Variants in CD276 observed in about 807,000 individuals in gnomAD.
The protein encoded by CD276 is CD276 molecule.
A neutral mutation model predicts 50.0 loss-of-function variants in CD276; 34 were observed. The ratio of observed to expected loss-of-function variants is 0.68; its 90% CI spans 0.52 to 0.91. CD276 has a LOEUF of 0.91. CD276 is among the 40% of genes least tolerant of loss of function. CD276 has a pLI of 0.00. For synonymous variants in CD276, 275 were observed against 313.0 expected (o/e 0.88, Z 1.28); for missense variants, 634 against 717.5 (o/e 0.88, Z 1.33).
At chr15:73,705,372 A>T (rs1253818580) in intron 6 of CD276, among the ~76,000 whole-genome samples, 1 of 151,690 alleles carries the variant, frequency 6.6e-6, no homozygotes, top group African/African-American at 2.4e-5. Flanking sequence ...GCACCTCAGG[A>T]CTCACTTATT....
Position 73,702,528 on chromosome 15 carries a change from G to T in CD276, c.353G>T (p.Gly118Val). 3 of 1,612,634 alleles carry T rather than the reference G, an allele frequency of 1.9e-6. No individual in the cohort carries two copies. Among genetic ancestry groups the T allele is most frequent in the Non-Finnish European group, 2.5e-6 (3 of 1,179,930 alleles). Residue 118 changes from glycine (G) to valine (V), a missense_variant, in exon 3 of 10, where the codon GGC becomes GTC. Transcript: ENST00000318443. ...RLQRVRVADEGSFTCFVSIRD... is the reference protein window; with the variant it reads ...RLQRVRVADEVSFTCFVSIRD... Reference sequence around the variant, plus strand: ...CAGCGCGTGCGTGTGGCGGACGAGGGCAGCTTCACCTGCTTCGTGAGCATC... The same window carrying T: ...CAGCGCGTGCGTGTGGCGGACGAGGTCAGCTTCACCTGCTTCGTGAGCATC...
chr15:73,709,437 G>A (rs1448707436), intron 7 of CD276: 5 of 551,952 alleles, frequency 9.1e-6, no homozygotes, highest in Non-Finnish European at 1.6e-5. Context: ...GGTGAGTGGT[G>A]GGCTCCAGGC....
intron 6 of CD276, among the ~76,000 whole-genome samples, chr15:73,706,052 C>T (rs1475445960): frequency 6.6e-6 from 1 of 152,134 alleles, no homozygotes; most frequent in Non-Finnish European, 1.5e-5. Flanking sequence ...GAGTTCGAGA[C>T]CAGCCTGATC....
In CD276 at chr15:73,713,918, T is replaced by A; in HGVS notation, c.*962T>A. The A allele has an allele frequency of 2.6e-6, 1 of 383,278 alleles. No homozygotes were observed. The allele number at this position is 383,278 out of a possible 1,614,324, so 23.7% of individuals were successfully genotyped here. ...GCCCTGCGTGGGAAGATAAAGTTCC[T>A]CCCTCAAGGACTCCCCATCCAGCTG... On this transcript the variant is annotated 3_prime_UTR_variant, in exon 10 of 10. Coordinates refer to ENST00000318443, the MANE Select transcript of CD276 (RefSeq NM_001024736.2).
upstream of CD276, chr15:73,684,071 A>C (rs1595997794): frequency 6.6e-6 from 1 of 152,182 alleles, no homozygotes. Flanking sequence ...CCAGTCAGTC[A>C]CCTATCCCCT....
In CD276 at chr15:73,702,313, C is replaced by T; in HGVS notation, c.138C>T (p.Ala46=). 1.2e-6 allele frequency: 2 copies of T among 1,613,350 alleles called. No homozygotes were observed. The highest frequency in any genetic ancestry group is 1.7e-6 in the Non-Finnish European group (2 of 1,179,958). ...TGGTGGCACTGGTGGGCACCGATGC[C>T]ACCCTGTGCTGCTCCTTCTCCCCTG... ...DPVVALVGTD[A]TLCCSFSPEP... The change falls in exon 3 of 10, where the codon GCC becomes GCT. Residue 46 remains alanine, a synonymous_variant. Transcript: ENST00000318443.
chr15:73,712,844 G>A (rs1271436874), intron 9 of CD276, 90 bp from the exon 10 acceptor site: 3 of 1,349,078 alleles, frequency 2.2e-6, no homozygotes, highest in African/African-American at 1.4e-5. Flanking sequence ...CTGACCAGGT[G>A]CTTGGGCTTC....
At chr15:73,711,307 T>G in intron 9 of CD276, 137 bp downstream of exon 9, 1 of 873,198 alleles carries the variant, frequency 1.1e-6, no homozygotes, top group Non-Finnish European at 1.8e-6. Context: ...AACTTCCCCC[T>G]GGTGAGATGG....
intron 8 of CD276, among the ~76,000 whole-genome samples, chr15:73,710,502 G>A (rs946217133): frequency 1.3e-5 from 2 of 152,218 alleles, no homozygotes; most frequent in African/African-American, 4.8e-5. Context: ...GGCTGGGAGA[G>A]GCAGGTTTCC....
chr15:73,700,853 A>G (rs1297336166), intron 2 of CD276, among the ~76,000 whole-genome samples: 1 of 38,948 alleles, frequency 2.6e-5, no homozygotes, highest in African/African-American at 1.0e-4. Context: ...TTACCGGAGA[A>G]TGGTAGTGCC....
chr15:73,713,986 G>C lies in CD276; in HGVS notation c.*1030G>C, dbSNP rs548993494. ...TACACTGCACCCTGCGGTTTGCAGG[G>C]GGCTCCTGCCTGGCTCCCTGCTCCA... On this transcript the variant is annotated 3_prime_UTR_variant, in exon 10 of 10. Transcript: ENST00000318443. The C allele has an allele frequency of 2.0e-4, 64 of 313,022 alleles. No individual in the cohort carries two copies. Among genetic ancestry groups the C allele is most frequent in the African/African-American group, 1.5e-3 (63 of 42,690 alleles). 19.4% of individuals were successfully genotyped at this position (313,022 alleles called of 1,614,324 possible).
chr15:73,695,201 C>A (rs1253886943), intron 1 of CD276, among the ~76,000 whole-genome samples: 1 of 152,162 alleles, frequency 6.6e-6, no homozygotes, highest in Non-Finnish European at 1.5e-5. Context: ...TAGGTAGGAA[C>A]ACTGAGCTCA....
chr15:73,690,690 T>C, intron 1 of CD276: 1 of 456,006 alleles, frequency 2.2e-6, no homozygotes, highest in Non-Finnish European at 4.4e-6. Flanking sequence ...CTTAATACTG[T>C]TACAGTGGCA....
At chr15:73,692,928 G>A (rs1314101619) in intron 1 of CD276, among the ~76,000 whole-genome samples, 2 of 152,226 alleles carry the variant, frequency 1.3e-5, no homozygotes, top group Non-Finnish European at 2.9e-5. Flanking sequence ...GAGCCCACTA[G>A]TAGGCACTTG....
intron 1 of CD276, chr15:73,686,354 C>A: frequency 3.2e-6 from 3 of 952,298 alleles, no homozygotes; most frequent in Non-Finnish European, 3.8e-6. Flanking sequence ...GTGTTGGAAT[C>A]TGAGGACCCT....
At chr15:73,705,032 A>C (rs1212779775) in intron 6 of CD276, among the ~76,000 whole-genome samples, 1 of 152,086 alleles carries the variant, frequency 6.6e-6, no homozygotes, top group African/African-American at 2.4e-5. Context: ...CCCTTTAGTG[A>C]TTGTTAGTCT....
At position 73,713,070 on chromosome 15, in the gene CD276, T is replaced by A. The variant is rs1391293505; in HGVS notation, c.*114T>A. 1 of 943,872 alleles carries A rather than the reference T, an allele frequency of 1.1e-6. No individual in the cohort carries two copies. The highest frequency in any genetic ancestry group is 1.7e-5 in the African/African-American group (1 of 60,184). The allele number at this position is 943,872 out of a possible 1,614,324, so 58.5% of individuals were successfully genotyped here. A position where few individuals can be genotyped will look rare whatever the true frequency, so the allele number is the denominator to read the frequency against. On this transcript the variant is annotated 3_prime_UTR_variant, in exon 10 of 10. Coordinates refer to ENST00000318443, the MANE Select transcript of CD276 (RefSeq NM_001024736.2). The stretch of plus-strand genomic sequence containing the variant: ...ATGCATCCTGCTCTGACAGGTGGGC[T>A]CCTTCTCCAAAGGATGCGATACACA...
In CD276 at chr15:73,702,791, C is replaced by T; in HGVS notation, c.438C>T (p.Ser146=). Residue 146 remains serine (S), a synonymous_variant, in exon 4 of 10, where the codon AGC becomes AGT. Coordinates refer to ENST00000318443, the MANE Select transcript of CD276 (RefSeq NM_001024736.2). ...CTCCAGCTCCCTACTCGAAGCCCAG[C>T]ATGACCCTGGAGCCCAACAAGGACC... The part of the protein sequence containing the change: ...LQVAAPYSKP[S]MTLEPNKDLR... The T allele has an allele frequency of 6.2e-7, 1 of 1,612,972 alleles. No homozygotes were observed. The highest frequency in any genetic ancestry group is 8.5e-7 in the Non-Finnish European group (1 of 1,179,518).
In CD276 at chr15:73,687,129, G is replaced by T. The variant is rs1231166712; in HGVS notation, c.-55+2669G>T. Reference sequence around the variant, plus strand: ...GAATGGACCCCACACCTGGAAGGGGGCCACGTGTACAGTTATGCAACCCTT... The same window carrying T: ...GAATGGACCCCACACCTGGAAGGGGTCCACGTGTACAGTTATGCAACCCTT... On this transcript the variant is annotated intron_variant, in intron 1 of 9. Transcript: ENST00000318443. The surrounding 1 kb of genome is among the most constrained non-coding windows in gnomAD (Gnocchi z 4.0). 2.0e-5 allele frequency among the ~76,000 whole-genome samples: 3 copies of T among 152,142 alleles called. No homozygotes were observed. Among genetic ancestry groups the T allele is most frequent in the Non-Finnish European group, 4.4e-5 (3 of 68,022 alleles).
Sources: gnomAD v4.1 joint callset for allele counts (sites outside exome capture counted in the v4.1 genomes callset) on GRCh38, gnomAD v4.1.1 for gene constraint, Gnocchi (gnomAD v3.1) non-coding constraint, MANE v1.5 for transcripts, NCBI Gene and HGNC (gene_info 2026-07-23, HGNC 2026-07-21) for gene names.